Variants in SLCO3A1 observed in about 807,000 individuals in gnomAD.
The protein encoded by SLCO3A1 is PGE1 transporter.
SLCO3A1 carries 27 observed loss-of-function variants against 63.1 expected under a neutral mutation model. That is an observed-to-expected ratio of 0.43 (90% CI 0.32 to 0.59). The LOEUF is 0.59. Ranked by LOEUF, SLCO3A1 falls within the 20% of genes least tolerant of loss-of-function variation. SLCO3A1 has a pLI of 0.09. For synonymous variants in SLCO3A1, 473 were observed against 409.9 expected, an observed-to-expected ratio of 1.15 and a Z score of -1.86; for missense variants, 773 against 945.8, an observed-to-expected ratio of 0.82 and a Z score of 2.40.
At chr15:91,861,512 G>A (rs562600740) in intron 1 of SLCO3A1, among the ~76,000 whole-genome samples, 12 of 152,274 alleles carry the variant, frequency 7.9e-5, no homozygotes, top group African/African-American at 2.4e-4. Context: ...CTTTAAACAC[G>A]GAATAGTTGG....
At chr15:91,907,942 CAG>C (rs1567180095) in intron 1 of SLCO3A1, among the ~76,000 whole-genome samples, 1 of 151,910 alleles carries the variant, frequency 6.6e-6, no homozygotes, top group Non-Finnish European at 1.5e-5. Context: ...TACAGAGGCC[CAG>C]AGAGAGAGAG....
intron 2 of SLCO3A1, among the ~76,000 whole-genome samples, chr15:92,017,582 C>A (rs911738024): frequency 6.6e-6 from 1 of 151,912 alleles, no homozygotes; most frequent in Non-Finnish European, 1.5e-5. Context: ...GTTGCTGACA[C>A]AAAATAGCCA....
intron 1 of SLCO3A1, among the ~76,000 whole-genome samples, chr15:91,896,520 G>A (rs60196826): frequency 0.12 from 18,940 of 152,110 alleles, 1,398 homozygotes; most frequent in East Asian, 0.34. Context: ...TGACTCATGG[G>A]GGTGGGTTTT....
At chr15:91,957,537 A>G (rs1030730054) in intron 2 of SLCO3A1, among the ~76,000 whole-genome samples, 2 of 151,862 alleles carry the variant, frequency 1.3e-5, no homozygotes, top group African/African-American at 4.8e-5. Context: ...CCTCACATGG[A>G]TCAAGCTCAG....
At chr15:91,957,362 C>A (rs971253850) in intron 2 of SLCO3A1, among the ~76,000 whole-genome samples, 1 of 150,586 alleles carries the variant, frequency 6.6e-6, no homozygotes, top group African/African-American at 2.5e-5. Context: ...CAAATCCATT[C>A]CCATCACACC....
chr15:91,906,410 C>T (rs189879979), intron 1 of SLCO3A1, among the ~76,000 whole-genome samples: 2 of 152,282 alleles, frequency 1.3e-5, no homozygotes, highest in East Asian at 1.9e-4. Context: ...AGGGCAGAGA[C>T]CAGGTCTTAT....
intron 3 of SLCO3A1, chr15:92,098,252 G>A (rs2151540224): frequency 6.6e-6 from 1 of 152,608 alleles, no homozygotes; most frequent in Admixed American, 6.5e-5. Flanking sequence ...GTGCCAAGGA[G>A]GGCTGGTTGT....
chr15:91,883,986 G>A lies in SLCO3A1; in HGVS notation c.180+29898G>A, dbSNP rs1156982186. On this transcript the variant is annotated intron_variant, in intron 1 of 9. Transcript: ENST00000318445. The surrounding 1 kb of genome is among the most constrained non-coding windows in gnomAD (Gnocchi z 4.8). ...CTGACTGGAAAGCTTTATCACCATA[G>A]CATCATACATACAGTCACATTAATG... is the stretch of plus-strand genomic sequence containing the variant. 6.6e-6 allele frequency among the ~76,000 whole-genome samples: 1 copy of A among 152,186 alleles called. No individual in the cohort carries two copies. The highest frequency in any genetic ancestry group is 2.4e-5 in the African/African-American group (1 of 41,438).
chr15:92,048,659 G>T (rs1715640854), intron 2 of SLCO3A1, among the ~76,000 whole-genome samples: 1 of 152,172 alleles, frequency 6.6e-6, no homozygotes, highest in Non-Finnish European at 1.5e-5. Flanking sequence ...ACTGCTTTGG[G>T]AGGCCGAGGT....
Position 91,954,193 on chromosome 15 carries a change from A to T in SLCO3A1, c.646+37735A>T, listed in dbSNP as rs965679591. On this transcript the variant is annotated intron_variant, in intron 2 of 9. Transcript: ENST00000318445. This position sits in a 1 kb window ranked among gnomAD's most constrained non-coding sequence, Gnocchi z 4.7. Reference sequence around the variant, plus strand: ...ACCTCTCTGCTCAAGGGTGTTAGAGACAGACCCCTAGGGGTTTCTGAACCA... The same window carrying T: ...ACCTCTCTGCTCAAGGGTGTTAGAGTCAGACCCCTAGGGGTTTCTGAACCA... Among the ~76,000 whole-genome samples the T allele has an allele frequency of 5.9e-5, 9 of 152,178 alleles. No homozygotes were observed. Among genetic ancestry groups the T allele is most frequent in the Non-Finnish European group, 1.2e-4 (8 of 68,030 alleles).
chr15:91,964,161 G>C (rs1013852760), intron 2 of SLCO3A1, among the ~76,000 whole-genome samples: 1 of 152,110 alleles, frequency 6.6e-6, no homozygotes, highest in African/African-American at 2.4e-5. Flanking sequence ...TATGAAAGTA[G>C]GTTTTCAGGA....
At chr15:92,035,499 G>T (rs2046714480) in intron 2 of SLCO3A1, among the ~76,000 whole-genome samples, 1 of 151,722 alleles carries the variant, frequency 6.6e-6, no homozygotes, top group South Asian at 2.1e-4. Context: ...GATCTAAGAG[G>T]ACCAGGAACC....
intron 2 of SLCO3A1, among the ~76,000 whole-genome samples, chr15:92,012,676 G>A (rs1285102295): frequency 6.6e-6 from 1 of 151,556 alleles, no homozygotes; most frequent in Non-Finnish European, 1.5e-5. Context: ...GCTGAGGTGG[G>A]CAGATCCCTT....
intron 1 of SLCO3A1, among the ~76,000 whole-genome samples, chr15:91,876,993 T>C (rs183123723): frequency 2.0e-5 from 3 of 152,366 alleles, no homozygotes; most frequent in African/African-American, 7.2e-5. Context: ...TTCAAATCCA[T>C]TGAATGAGAA....
chr15:91,956,230 T>A (rs1386655987), intron 2 of SLCO3A1, among the ~76,000 whole-genome samples: 2 of 152,182 alleles, frequency 1.3e-5, no homozygotes, highest in African/African-American at 2.4e-5. Flanking sequence ...AATTCCCTGG[T>A]GGCTTCTCAG....
intron 4 of SLCO3A1, among the ~76,000 whole-genome samples, chr15:92,115,400 C>A (rs768691968): frequency 6.6e-6 from 1 of 152,124 alleles, no homozygotes; most frequent in East Asian, 1.9e-4. Flanking sequence ...TGCAGCAAGT[C>A]GTGTATCCCC....
rs987506457 is a variant in SLCO3A1 at position 91,872,887 on chromosome 15, AGTG to A, written c.180+18800_180+18802del. The stretch of plus-strand genomic sequence containing the variant: ...CCTTTAGGGCATGGTGGCGTCTGTA[AGTG>A]ACAAGAGTGCTCTGAAAAAGACCTG... On this transcript the variant is annotated intron_variant, in intron 1 of 9. Transcript: ENST00000318445. This position sits in a 1 kb window ranked among gnomAD's most constrained non-coding sequence, Gnocchi z 4.1. Among the ~76,000 whole-genome samples the A allele has an allele frequency of 7.2e-5, 11 of 152,168 alleles. No homozygotes were observed. The highest frequency in any genetic ancestry group is 2.7e-4 in the African/African-American group (11 of 41,452).
intron 2 of SLCO3A1, among the ~76,000 whole-genome samples, chr15:91,993,187 T>G (rs72755625): frequency 0.23 from 35,210 of 152,166 alleles, 4,454 homozygotes; most frequent in East Asian, 0.34. Context: ...CAATTGTCTC[T>G]GGATGCATAC....
At chr15:92,166,037 GGTTTTGTTTTGTTTTTT>G (rs1596163685), downstream of SLCO3A1, 9 of 370,536 alleles carry the variant, frequency 2.4e-5, no homozygotes, top group East Asian at 8.5e-4. Context: ...AGAAGGTTTG[GGTTTTGTTTTGTTTTTT>G]GTTTTGTTTT....
Sources: gnomAD v4.1 joint callset for allele counts (sites outside exome capture counted in the v4.1 genomes callset) on GRCh38, gnomAD v4.1.1 for gene constraint, Gnocchi (gnomAD v3.1) non-coding constraint, MANE v1.5 for transcripts, NCBI Gene and HGNC (gene_info 2026-07-23, HGNC 2026-07-21) for gene names.